The following IRAK3 variants were observed in gnomAD, a reference collection of about 807,000 sequenced individuals.
The protein encoded by IRAK3 is interleukin-1 receptor-associated kinase 3.
A neutral mutation model predicts 56.6 loss-of-function variants in IRAK3; 57 were observed. The observed-to-expected ratio is 1.01, with a 90% CI of 0.81 to 1.26. The LOEUF (loss-of-function observed/expected upper bound fraction) is 1.26. Ranked by LOEUF, IRAK3 falls within the 50% of genes most tolerant of loss-of-function variation. The pLI, the probability that IRAK3 is intolerant of heterozygous loss-of-function variation, is 0.00. For synonymous variants in IRAK3, 258 were observed against 255.7 expected, an observed-to-expected ratio of 1.01 and a Z score of -0.09; for missense variants, 703 against 719.0, an observed-to-expected ratio of 0.98 and a Z score of 0.25.
chr12:66,220,909 G>A (rs1484001288), intron 6 of IRAK3, among the ~76,000 whole-genome samples: 1 of 152,104 alleles, frequency 6.6e-6, no homozygotes, highest in Admixed American at 6.5e-5. Flanking sequence ...TGTGAAAAAT[G>A]GCATTGGAAT....
intron 1 of IRAK3, among the ~76,000 whole-genome samples, chr12:66,202,542 C>A (rs867506751): frequency 6.6e-6 from 1 of 151,906 alleles, no homozygotes; most frequent in Non-Finnish European, 1.5e-5. Flanking sequence ...AAGGCCAAGG[C>A]GGGCAGATTG....
chr12:66,232,988 A>ATATTAT (rs147774283), intron 8 of IRAK3, among the ~76,000 whole-genome samples: 2,122 of 149,550 alleles, frequency 0.014, 38 homozygotes, highest in African/African-American at 0.049. Context: ...TAACCCTTTG[A>ATATTAT]TATTATTATT....
At chr12:66,243,068 A>G (rs1370137100) in intron 8 of IRAK3, among the ~76,000 whole-genome samples, 2 of 144,510 alleles carry the variant, frequency 1.4e-5, no homozygotes, top group African/African-American at 2.5e-5. Context: ...CTTTGTCTCG[A>G]AAAAAAAAAA....
rs112684011 is a variant in IRAK3 at position 66,227,319 on chromosome 12, G to A, written c.768+482G>A. On this transcript the variant is annotated intron_variant, in intron 7 of 11. Coordinates refer to ENST00000261233, the MANE Select transcript of IRAK3 (RefSeq NM_007199.3). ...TACTAAAAAAATAAATTGGCTGGGCGCAGTGGCTCACGCCTGTAATCCCAG... is the reference window on the plus strand; with the variant it reads ...TACTAAAAAAATAAATTGGCTGGGCACAGTGGCTCACGCCTGTAATCCCAG... Among the ~76,000 whole-genome samples, 1,449 of 152,238 alleles carry A rather than the reference G, an allele frequency of 9.5e-3. 40 individuals are homozygous for A. Among genetic ancestry groups the A allele is most frequent in the African/African-American group, 0.034 (1,401 of 41,532 alleles).
chr12:66,220,730 C>T (rs990020975), intron 6 of IRAK3, among the ~76,000 whole-genome samples: 17 of 151,790 alleles, frequency 1.1e-4, no homozygotes, highest in Middle Eastern at 3.4e-3. Context: ...CCGTTTTAGC[C>T]GGGACGGTCT....
chr12:66,232,097 T>C (rs1170193109), intron 8 of IRAK3, among the ~76,000 whole-genome samples: 1 of 152,224 alleles, frequency 6.6e-6, no homozygotes, highest in African/African-American at 2.4e-5. Flanking sequence ...CAGAGAGATC[T>C]GATCAGAAAC....
In IRAK3 at chr12:66,203,805, G is replaced by A; in HGVS notation, c.228G>A (p.Trp76Ter). The change falls in exon 2 of 12, where the codon TGG (tryptophan) becomes TGA (stop). Residue 76 changes from tryptophan to a stop codon, truncating the protein, a stop_gained. Coordinates refer to ENST00000261233, the MANE Select transcript of IRAK3 (RefSeq NM_007199.3). LOFTEE classifies it high-confidence loss of function. ...KSGTRELLWSWAQKNKTIGDL... is the reference protein window; with the variant it reads ...KSGTRELLWS ...GAACAAGAGAATTACTTTGGTCCTGGGCACAGAAAAACAAGACCATCGGTG... is the reference window on the plus strand; with the variant it reads ...GAACAAGAGAATTACTTTGGTCCTGAGCACAGAAAAACAAGACCATCGGTG... 6.2e-7 allele frequency: 1 copy of A among 1,613,916 alleles called. No individual in the cohort carries two copies. The highest frequency in any genetic ancestry group is 8.5e-7 in the Non-Finnish European group (1 of 1,179,862).
chr12:66,241,506 C>G (rs1057208486), intron 8 of IRAK3, among the ~76,000 whole-genome samples: 11 of 152,198 alleles, frequency 7.2e-5, no homozygotes, highest in African/African-American at 2.7e-4. Context: ...TGTGTTTGAA[C>G]ATTCTATTTA....
intron 6 of IRAK3, 93 bp from the exon 7 acceptor site, chr12:66,226,630 C>A (rs2136938092): frequency 1.3e-6 from 1 of 765,238 alleles, no homozygotes; most frequent in East Asian, 2.5e-5. Context: ...TAGGCCTATT[C>A]CCCATCCCAC....
chr12:66,226,420 T>G (rs555179558), intron 6 of IRAK3, among the ~76,000 whole-genome samples: 1 of 152,218 alleles, frequency 6.6e-6, no homozygotes, highest in Admixed American at 6.5e-5. Context: ...TTTTGTATTT[T>G]TAGTAGAAAC....
At chr12:66,212,691 A>G (rs1263317038) in intron 5 of IRAK3, among the ~76,000 whole-genome samples, 1 of 152,182 alleles carries the variant, frequency 6.6e-6, no homozygotes, top group Non-Finnish European at 1.5e-5. Flanking sequence ...AGCAACTCTC[A>G]CAGCCATAAA....
At chr12:66,197,572 CAT>C in intron 1 of IRAK3, 1 of 985,336 alleles carries the variant, frequency 1.0e-6, no homozygotes, top group Non-Finnish European at 1.2e-6. Context: ...AAAGAGAAAA[CAT>C]ATTTCATTTC....
At chr12:66,242,517 G>A (rs530963542) in intron 8 of IRAK3, among the ~76,000 whole-genome samples, 1 of 152,316 alleles carries the variant, frequency 6.6e-6, no homozygotes, top group African/African-American at 2.4e-5. Flanking sequence ...ACAGATGGGG[G>A]TGTGTGAGGC....
intron 8 of IRAK3, among the ~76,000 whole-genome samples, chr12:66,238,351 C>G (rs954763661): frequency 1.3e-5 from 2 of 152,178 alleles, no homozygotes; most frequent in Admixed American, 1.3e-4. Flanking sequence ...TCCCAGCAAG[C>G]CTGAGTTCAG....
chr12:66,209,456 G>T lies in IRAK3; in HGVS notation c.317G>T (p.Gly106Val). The change falls in exon 3 of 12, where the codon GGA becomes GTA. Residue 106 changes from glycine (G) to valine (V), a missense_variant and splice_region_variant. By Grantham distance (109) the Gly-to-Val change is moderately radical. Transcript: ENST00000261233. ...CTACCTTCCCATATTTCTCTTTCAG[G>T]AGCAGTGTTGAGTCCTTCAGAGAAG... ...RRAIHLITNY[G>V]AVLSPSEKSY... is the part of the protein sequence containing the mutation. 6.3e-7 allele frequency: 1 copy of T among 1,598,256 alleles called. No homozygotes were observed. The highest frequency in any genetic ancestry group is 1.1e-5 in the South Asian group (1 of 90,772).
chr12:66,200,832 A>G (rs2052500206), intron 1 of IRAK3, among the ~76,000 whole-genome samples: 1 of 152,156 alleles, frequency 6.6e-6, no homozygotes, highest in African/African-American at 2.4e-5. Flanking sequence ...GTGTGTGGAA[A>G]CAGAGTCTCA....
chr12:66,236,738 A>G (rs767715276), intron 8 of IRAK3, among the ~76,000 whole-genome samples: 8 of 152,020 alleles, frequency 5.3e-5, no homozygotes, highest in Non-Finnish European at 7.4e-5. Flanking sequence ...ACACCTGCCT[A>G]TTTTTGTACT....
At chr12:66,211,321 G>T (rs1258311985) in intron 4 of IRAK3, 125 bp from the exon 5 acceptor site, 7 of 676,306 alleles carry the variant, frequency 1.0e-5, no homozygotes, top group Non-Finnish European at 1.8e-5. Context: ...CTTCGGCTTT[G>T]GTTCCTGGGC....
chr12:66,239,171 A>G lies in IRAK3; in HGVS notation c.888-5315A>G, dbSNP rs2136948493. ...GAGATAATCTTGGTGAACATTTCTA[A>G]TGTTTCCTATAAAATCATGTTCTTT... On this transcript the variant is annotated intron_variant, in intron 8 of 11. Transcript: ENST00000261233. 1.3e-5 allele frequency among the ~76,000 whole-genome samples: 2 copies of G among 152,224 alleles called. 1 individual carries two copies. Among genetic ancestry groups the G allele is most frequent in the East Asian group, 3.9e-4 (2 of 5,180 alleles).
Sources: gnomAD v4.1 joint callset for allele counts (sites outside exome capture counted in the v4.1 genomes callset) on GRCh38, gnomAD v4.1.1 for gene constraint, MANE v1.5 for transcripts, NCBI Gene and HGNC (gene_info 2026-07-23, HGNC 2026-07-21) for gene names.